STAG1: variants seen among roughly 807,000 people sequenced by gnomAD.
The protein encoded by STAG1 is cohesin subunit SA-1.
In STAG1, 26 loss-of-function variants were observed where a neutral mutation model predicts 170.9. That is an observed-to-expected ratio of 0.15 (90% confidence interval 0.11 to 0.21). STAG1 has a LOEUF of 0.21. STAG1 is among the 10% of genes least tolerant of loss of function. STAG1 has a pLI of 1.00. For missense variants in STAG1, 964 were observed against 1,509.5 expected (o/e 0.64, Z 5.99); for synonymous variants, 514 against 497.7 (o/e 1.03, Z -0.44).
chr3:136,344,038 C>T (rs749584114), intron 29 of STAG1, 32 bp from the exon 30 acceptor site: 62 of 1,506,014 alleles, frequency 4.1e-5, no homozygotes, highest in Middle Eastern at 2.0e-4. Context: ...CACACAATGT[C>T]GTGGGTGGAG....
At chr3:136,718,779 T>C (rs538535570) in intron 1 of STAG1, among the ~76,000 whole-genome samples, 69 of 151,862 alleles carry the variant, frequency 4.5e-4, no homozygotes, top group African/African-American at 1.7e-3. Flanking sequence ...ACAAAAAAAT[T>C]GGCCAAGTGT....
Position 136,502,623 on chromosome 3 carries a change from C to T in STAG1, c.828+5G>A. On this transcript the variant is annotated splice_donor_5th_base_variant and intron_variant, in intron 8 of 33. Coordinates refer to ENST00000383202, the MANE Select transcript of STAG1 (RefSeq NM_005862.3). ...CATAAAATCATCAGTTCCCATGAAACTTACCTCTTTGCGTTTCTGAAGTAG... is the reference window on the plus strand; with the variant it reads ...CATAAAATCATCAGTTCCCATGAAATTTACCTCTTTGCGTTTCTGAAGTAG... The T allele has an allele frequency of 6.2e-7, 1 of 1,612,398 alleles. No individual in the cohort carries two copies. Among genetic ancestry groups the T allele is most frequent in the Non-Finnish European group, 8.5e-7 (1 of 1,179,336 alleles).
chr3:136,368,087 GAGA>G (rs1937150111), intron 24 of STAG1, among the ~76,000 whole-genome samples: 3 of 152,094 alleles, frequency 2.0e-5, no homozygotes, highest in African/African-American at 7.2e-5. Flanking sequence ...TCAGTGGTTT[GAGA>G]AGAACACATT....
intron 29 of STAG1, among the ~76,000 whole-genome samples, chr3:136,348,139 A>T (rs1329956529): frequency 6.6e-6 from 1 of 152,220 alleles, no homozygotes. Flanking sequence ...ACAAGAGAGA[A>T]GGCTCAGATC....
intron 9 of STAG1, among the ~76,000 whole-genome samples, chr3:136,497,081 A>C (rs986838023): frequency 6.6e-6 from 1 of 152,200 alleles, no homozygotes; most frequent in Non-Finnish European, 1.5e-5. Context: ...CAACAGCCCT[A>C]TATCTACTGG....
At chr3:136,374,135 T>A (rs1318075554) in intron 23 of STAG1, among the ~76,000 whole-genome samples, 7 of 152,156 alleles carry the variant, frequency 4.6e-5, no homozygotes, top group Non-Finnish European at 7.3e-5. Context: ...TGGTTTAAAG[T>A]CTGTTTCATC....
chr3:136,439,364 T>C (rs375882432), intron 15 of STAG1, among the ~76,000 whole-genome samples: 2 of 148,572 alleles, frequency 1.3e-5, no homozygotes, highest in South Asian at 2.1e-4. Flanking sequence ...ATTCAGCAAC[T>C]TGATTTTGCT....
At chr3:136,733,524 G>A (rs900382340) in intron 1 of STAG1, among the ~76,000 whole-genome samples, 5 of 152,122 alleles carry the variant, frequency 3.3e-5, no homozygotes, top group Admixed American at 6.6e-5. Flanking sequence ...CTGAGACTTA[G>A]AAAGGTTAAA....
At chr3:136,453,505 G>A (rs1465748533) in intron 13 of STAG1, among the ~76,000 whole-genome samples, 1 of 151,590 alleles carries the variant, frequency 6.6e-6, no homozygotes, top group Non-Finnish European at 1.5e-5. Context: ...GCAGAAGAAT[G>A]GCATGAACTC....
chr3:136,708,683 T>C (rs1943294723), intron 1 of STAG1, among the ~76,000 whole-genome samples: 1 of 152,162 alleles, frequency 6.6e-6, no homozygotes, highest in Non-Finnish European at 1.5e-5. Context: ...AACACTAATA[T>C]GAAATAAACA....
At chr3:136,548,649 C>T (rs1163463296) in intron 5 of STAG1, among the ~76,000 whole-genome samples, 2 of 152,132 alleles carry the variant, frequency 1.3e-5, no homozygotes, top group Non-Finnish European at 2.9e-5. Flanking sequence ...TTAAGTCTTC[C>T]AATTCATGGA....
At chr3:136,479,044 G>A (rs943550331) in intron 9 of STAG1, among the ~76,000 whole-genome samples, 39 of 146,082 alleles carry the variant, frequency 2.7e-4, no homozygotes, top group Admixed American at 1.4e-3. Context: ...ATTAAATGTT[G>A]GCTATTATAA....
chr3:136,503,345 T>C (rs1479582767), intron 7 of STAG1, among the ~76,000 whole-genome samples: 1 of 152,216 alleles, frequency 6.6e-6, no homozygotes, highest in Non-Finnish European at 1.5e-5. Context: ...AAATGTACTT[T>C]GTGAATTTCC....
chr3:136,485,283 C>T lies in STAG1; in HGVS notation c.903-7871G>A, dbSNP rs556225047. Among the ~76,000 whole-genome samples the T allele has an allele frequency of 2.4e-3, 368 of 152,160 alleles. 2 individuals carry two copies. Among genetic ancestry groups the T allele is most frequent in the African/African-American group, 8.2e-3 (341 of 41,530 alleles). ...ACATCCTGGCAAACATGGTGAAACA[C>T]CATCTCTACTAAAAATACAAAAAAT... On this transcript the variant is annotated intron_variant, in intron 9 of 33. Transcript: ENST00000383202.
chr3:136,434,907 G>A (rs1034332442), intron 15 of STAG1, among the ~76,000 whole-genome samples: 1 of 151,930 alleles, frequency 6.6e-6, no homozygotes, highest in African/African-American at 2.4e-5. Flanking sequence ...ATAGTAGGTG[G>A]GTCTGTTTAT....
At chr3:136,486,512 C>T (rs753425132) in intron 9 of STAG1, among the ~76,000 whole-genome samples, 1 of 152,198 alleles carries the variant, frequency 6.6e-6, no homozygotes, top group South Asian at 2.1e-4. Context: ...TTCAGTCCTA[C>T]CAAGTAGTAT....
intron 1 of STAG1, among the ~76,000 whole-genome samples, chr3:136,751,245 T>A (rs894173164): frequency 1.3e-5 from 2 of 151,256 alleles, no homozygotes; most frequent in African/African-American, 4.9e-5. Flanking sequence ...CGGAGCACGA[T>A]TCCCTGCAAT....
intron 3 of STAG1, among the ~76,000 whole-genome samples, chr3:136,616,756 G>A (rs115647533): frequency 1.7e-3 from 254 of 152,106 alleles, no homozygotes; most frequent in Middle Eastern, 6.8e-3. Flanking sequence ...AAACTTAGCC[G>A]GTGTGGTGAT....
chr3:136,746,889 G>A (rs910096074), intron 1 of STAG1, among the ~76,000 whole-genome samples: 2 of 152,008 alleles, frequency 1.3e-5, no homozygotes, highest in South Asian at 4.2e-4. Context: ...CTGAGGTCAG[G>A]AGTTCGAGAC....
Sources: gnomAD v4.1 joint callset for allele counts (sites outside exome capture counted in the v4.1 genomes callset) on GRCh38, gnomAD v4.1.1 for gene constraint, MANE v1.5 for transcripts, NCBI Gene and HGNC (gene_info 2026-07-23, HGNC 2026-07-21) for gene names.